SETD2: variants seen among roughly 807,000 people sequenced by gnomAD.
SETD2 encodes SET domain containing 2, histone lysine methyltransferase.
Under a neutral mutation model 242.1 loss-of-function variants are expected in SETD2, and 31 were observed. The observed-to-expected ratio is 0.13, with a 90% CI of 0.10 to 0.17. The LOEUF (loss-of-function observed/expected upper bound fraction) is 0.17. Among genes scored for constraint, SETD2 ranks in the 10% least tolerant of loss-of-function variants. The pLI is 1.00. For synonymous variants in SETD2, 1,006 were observed against 1,066.5 expected (o/e 0.94, Z 1.11); for missense variants, 2,481 against 3,046.3 (o/e 0.81, Z 4.37).
At chr3:47,081,114 G>A in intron 12 of SETD2, 3 of 983,518 alleles carry the variant, frequency 3.1e-6, no homozygotes, top group Non-Finnish European at 3.6e-6. Flanking sequence ...TTACAAGGGG[G>A]ATCATCATCA....
chr3:47,061,036 G>A (rs2040309103), intron 14 of SETD2, among the ~76,000 whole-genome samples: 2 of 152,072 alleles, frequency 1.3e-5, no homozygotes, highest in African/African-American at 2.4e-5. Context: ...GGCTAAAATG[G>A]TGAAACCCCA....
At chr3:47,125,750 A>G (rs909490517) in intron 2 of SETD2, among the ~76,000 whole-genome samples, 2 of 152,224 alleles carry the variant, frequency 1.3e-5, no homozygotes, top group African/African-American at 4.8e-5. Context: ...AAATCACCAA[A>G]GGAAATGGTT....
At chr3:47,129,030 A>C (rs2043416645) in intron 1 of SETD2, among the ~76,000 whole-genome samples, 1 of 152,190 alleles carries the variant, frequency 6.6e-6, no homozygotes, top group African/African-American at 2.4e-5. Context: ...CAGGCAGATG[A>C]AAAGAATAAT....
chr3:47,101,631 TG>T, intron 7 of SETD2, 76 bp from the exon 8 acceptor site: 1 of 754,400 alleles, frequency 1.3e-6, no homozygotes, highest in Non-Finnish European at 2.2e-6. Flanking sequence ...TGTGTGTGTG[TG>T]TGCGCATATA....
chr3:47,019,463 A>T (rs1575645363), intron 19 of SETD2, among the ~76,000 whole-genome samples: 1 of 152,206 alleles, frequency 6.6e-6, no homozygotes, highest in South Asian at 2.1e-4. Context: ...CAAGAGGAAT[A>T]CCCAAAGACA....
chr3:47,062,465 T>G lies in SETD2; in HGVS notation c.6110-119A>C, dbSNP rs1044494383. On this transcript the variant is annotated intron_variant, in intron 13 of 20. Transcript: ENST00000409792. ...AACTTCTATCCAACAAATGTATCTA[T>G]GGACTCCTCCGTCATCTACCCAGTT... 4 of 896,472 alleles carry G rather than the reference T, an allele frequency of 4.5e-6. No homozygotes were observed. The African/African-American group carries it at 5.1e-5, about 11-fold the overall frequency. 55.5% of individuals were successfully genotyped at this position (896,472 alleles called of 1,614,324 possible).
intron 3 of SETD2, among the ~76,000 whole-genome samples, chr3:47,118,549 C>T (rs1003147046): frequency 1.3e-5 from 2 of 151,504 alleles, no homozygotes; most frequent in African/African-American, 4.9e-5. Context: ...TGGTGAAACC[C>T]ATCTCTACTA....
chr3:47,024,630 C>T (rs2038389975), intron 18 of SETD2, among the ~76,000 whole-genome samples: 1 of 152,130 alleles, frequency 6.6e-6, no homozygotes, highest in African/African-American at 2.4e-5. Flanking sequence ...CCAGCCTGGG[C>T]GACAGAGCAA....
At position 47,016,799 on chromosome 3, in the gene SETD2, G is replaced by A. The variant is rs1206075797; in HGVS notation, c.*294C>T. ...CATGGGTCTGTGCGCTGACAGCACC[G>A]CCAAGGAGAAGACCCAGGTTTAAGA... On this transcript the variant is annotated 3_prime_UTR_variant, in exon 21 of 21. Transcript: ENST00000409792. 1.0e-5 allele frequency: 4 copies of A among 388,866 alleles called. No homozygotes were observed. Among genetic ancestry groups the A allele is most frequent in the East Asian group, 3.8e-5 (1 of 26,398 alleles). 24.1% of individuals were successfully genotyped at this position (388,866 alleles called of 1,614,324 possible).
chr3:47,054,391 C>T (rs1462919417), intron 15 of SETD2, among the ~76,000 whole-genome samples: 5 of 152,038 alleles, frequency 3.3e-5, no homozygotes, highest in Non-Finnish European at 7.4e-5. Flanking sequence ...TCTTTCATTG[C>T]TGTTGCTTAG....
intron 1 of SETD2, among the ~76,000 whole-genome samples, chr3:47,137,482 C>G (rs539676085): frequency 6.6e-6 from 1 of 152,004 alleles, no homozygotes; most frequent in Non-Finnish European, 1.5e-5. Context: ...TGAGCCACCG[C>G]GCCCAGCCTT....
intron 15 of SETD2, among the ~76,000 whole-genome samples, chr3:47,051,924 A>G (rs2039862338): frequency 6.6e-6 from 1 of 152,178 alleles, no homozygotes; most frequent in African/African-American, 2.4e-5. Context: ...AGACACTAGT[A>G]TTTGATTCAT....
At chr3:47,157,148 C>T (rs1004347014) in intron 1 of SETD2, among the ~76,000 whole-genome samples, 5 of 151,944 alleles carry the variant, frequency 3.3e-5, no homozygotes, top group Non-Finnish European at 7.4e-5. Flanking sequence ...CCACAGTCCC[C>T]GCTACTCAGA....
In SETD2 at chr3:47,120,833, G is replaced by A. The variant is rs773098323; in HGVS notation, c.3803C>T (p.Ser1268Phe). ...LGWDFSQEKPSTTYQQPDSSY... is the reference protein window; with the variant it reads ...LGWDFSQEKPFTTYQQPDSSY... ...ACTGTCAGGTTGCTGATACGTGGTA[G>A]AAGGCTTTTCTTGAGAGAAGTCCCA... The change falls in exon 3 of 21, where the codon TCT becomes TTT. Residue 1268 changes from serine (S) to phenylalanine (F), a missense_variant. Physicochemically the swap from Ser to Phe is radical, Grantham distance 155 (BLOSUM62 -2). Coordinates refer to ENST00000409792, the MANE Select transcript of SETD2 (RefSeq NM_014159.7). 2.5e-6 allele frequency: 4 copies of A among 1,614,232 alleles called. No individual in the cohort carries two copies. The highest frequency in any genetic ancestry group is 3.4e-6 in the Non-Finnish European group (4 of 1,180,034).
Position 47,016,801 on chromosome 3 carries a change from CAAGGAG to C in SETD2, c.*286_*291del, listed in dbSNP as rs991231424. Reference sequence around the variant, plus strand: ...TGGGTCTGTGCGCTGACAGCACCGCCAAGGAGAAGACCCAGGTTTAAGAGTGGAGTC... The same window carrying C: ...TGGGTCTGTGCGCTGACAGCACCGCCAAGACCCAGGTTTAAGAGTGGAGTC... On this transcript the variant is annotated 3_prime_UTR_variant, in exon 21 of 21. Transcript: ENST00000409792. 4 of 394,368 alleles carry C rather than the reference CAAGGAG, an allele frequency of 1.0e-5. No individual in the cohort carries two copies. Among genetic ancestry groups the C allele is most frequent in the Non-Finnish European group, 1.8e-5 (4 of 217,526 alleles). 24.4% of individuals were successfully genotyped at this position (394,368 alleles called of 1,614,324 possible).
rs1037005354 is a variant in SETD2 at position 47,121,765 on chromosome 3, T to C, written c.2871A>G (p.Lys957=). Residue 957 remains lysine, a synonymous_variant, in exon 3 of 21, where the codon AAA becomes AAG. Coordinates refer to ENST00000409792, the MANE Select transcript of SETD2 (RefSeq NM_014159.7). The part of the protein sequence containing the change: ...ENRRNNGLSG[K]CLQEAQEEGN... Reference sequence around the variant, plus strand: ...CTTCTTCTTGAGCCTCTTGCAAACATTTCCCAGATAACCCATTATTACGCC... The same window carrying C: ...CTTCTTCTTGAGCCTCTTGCAAACACTTCCCAGATAACCCATTATTACGCC... 33 of 1,614,018 alleles carry C rather than the reference T, an allele frequency of 2.0e-5. No individual in the cohort carries two copies. The highest frequency in any genetic ancestry group is 2.7e-5 in the Non-Finnish European group (32 of 1,180,018).
At chr3:47,085,077 G>C (rs1490667670) in intron 11 of SETD2, among the ~76,000 whole-genome samples, 1 of 152,092 alleles carries the variant, frequency 6.6e-6, no homozygotes, top group African/African-American at 2.4e-5. Flanking sequence ...GATTATTTCT[G>C]CAAGAGTAGT....
intron 11 of SETD2, 33 bp from the exon 12 acceptor site, chr3:47,084,415 T>C (rs1047936988): frequency 6.9e-7 from 1 of 1,441,882 alleles, no homozygotes; most frequent in Non-Finnish European, 9.4e-7. Context: ...TACATCACTT[T>C]GTACAGTTGA....
At chr3:47,045,496 C>T (rs1263874985) in intron 16 of SETD2, among the ~76,000 whole-genome samples, 40 of 135,914 alleles carry the variant, frequency 2.9e-4, no homozygotes, top group African/African-American at 1.0e-3. Context: ...CCAGCCTGGG[C>T]GACAGAGCAA....
Sources: allele counts gnomAD v4.1 joint callset (sites outside exome capture counted in the v4.1 genomes callset), GRCh38; gene constraint gnomAD v4.1.1; transcripts MANE v1.5; gene names NCBI Gene and HGNC (gene_info 2026-07-23, HGNC 2026-07-21).